Variants in CHN2 observed in about 807,000 individuals in gnomAD.
CHN2 encodes beta-chimaerin.
Under a neutral mutation model 56.3 loss-of-function variants are expected in CHN2, and 35 were observed. The ratio of observed to expected loss-of-function variants is 0.62; its 90% CI spans 0.47 to 0.82. CHN2 has a LOEUF of 0.82. CHN2 is among the 40% of genes least tolerant of loss of function. CHN2 has a pLI of 0.00. For synonymous variants in CHN2, 210 were observed against 212.8 expected, an observed-to-expected ratio of 0.99 and a Z score of 0.12; for missense variants, 491 against 580.5, an observed-to-expected ratio of 0.85 and a Z score of 1.58.
intron 1 of CHN2, among the ~76,000 whole-genome samples, chr7:29,285,531 A>G (rs772013721): frequency 6.6e-6 from 1 of 152,216 alleles, no homozygotes; most frequent in Non-Finnish European, 1.5e-5. Context: ...TTCTGTTTCC[A>G]TGAATGCAGC....
At position 29,301,469 on chromosome 7, in the gene CHN2, G is replaced by A. The variant is rs112301338; in HGVS notation, c.50-53156G>A. ...TAAAAGAGGATCCCAGATGCTCCTG[G>A]CCTTTCTGTTGTGTCCTGAACGCTG... On this transcript the variant is annotated intron_variant, in intron 1 of 12. Coordinates refer to ENST00000222792, the MANE Select transcript of CHN2 (RefSeq NM_004067.4). 1.4e-3 allele frequency among the ~76,000 whole-genome samples: 214 copies of A among 151,956 alleles called. 3 individuals are homozygous for A. Among genetic ancestry groups the A allele is most frequent in the Middle Eastern group, 0.01 (3 of 294 alleles).
rs1015805042 is a variant in CHN2, at chr7:29,403,670, GAA to G, written c.576+2854_576+2855del. ...AGATGGAGAGGCAGGGAGGAAGGCAGAAAAAAAAAAAAAGTTGTGATGGTTAG... is the reference window on the plus strand; with the variant it reads ...AGATGGAGAGGCAGGGAGGAAGGCAGAAAAAAAAAAAGTTGTGATGGTTAG... On this transcript the variant is annotated intron_variant, in intron 6 of 12. Coordinates refer to ENST00000222792, the MANE Select transcript of CHN2 (RefSeq NM_004067.4). 7.8e-5 allele frequency among the ~76,000 whole-genome samples: 11 copies of G among 141,630 alleles called. No individual in the cohort carries two copies. The South Asian group carries it at 1.6e-3, about 20-fold the overall frequency. 92.9% of individuals were successfully genotyped at this position (141,630 alleles called of 152,430 possible).
rs184013851 is a variant in CHN2 at position 29,425,551 on chromosome 7, C to T, written c.576+24723C>T. On this transcript the variant is annotated intron_variant, in intron 6 of 12. Coordinates refer to ENST00000222792, the MANE Select transcript of CHN2 (RefSeq NM_004067.4). ...AAAATTCTTCTTAGAAGCTGGTTTC[C>T]ACTTATCTTATGGATCCTAAGAATC... Among the ~76,000 whole-genome samples, 5 of 152,254 alleles carry T rather than the reference C, an allele frequency of 3.3e-5. No individual in the cohort carries two copies. The East Asian group carries it at 9.6e-4, about 29-fold the overall frequency.
intron 1 of CHN2, among the ~76,000 whole-genome samples, chr7:29,214,044 C>T (rs958263699): frequency 1.3e-5 from 2 of 152,176 alleles, no homozygotes; most frequent in African/African-American, 4.8e-5. Flanking sequence ...ATGCTTTCTC[C>T]TTCCTGATTC....
Position 29,370,280 on chromosome 7 carries a change from T to G in CHN2, c.144+2293T>G, listed in dbSNP as rs1799504794. 3.9e-5 allele frequency among the ~76,000 whole-genome samples: 6 copies of G among 152,200 alleles called. No homozygotes were observed. In the South Asian group the frequency reaches 1.2e-3, roughly 31 times the overall value. Reference sequence around the variant, plus strand: ...GTTTTCCCCTACTACAGACGGTGCTTAGTCATACGTCTTGTTGTCTTGTAA... The same window carrying G: ...GTTTTCCCCTACTACAGACGGTGCTGAGTCATACGTCTTGTTGTCTTGTAA... On this transcript the variant is annotated intron_variant, in intron 3 of 12. Coordinates refer to ENST00000222792, the MANE Select transcript of CHN2 (RefSeq NM_004067.4).
intron 1 of CHN2, among the ~76,000 whole-genome samples, chr7:29,327,469 A>G (rs1795896126): frequency 6.6e-6 from 1 of 152,196 alleles, no homozygotes; most frequent in Admixed American, 6.5e-5. Context: ...CTGTTGAGAT[A>G]AAATATTTTA....
intron 3 of CHN2, among the ~76,000 whole-genome samples, chr7:29,377,113 C>T (rs1033207192): frequency 9.2e-5 from 14 of 152,074 alleles, no homozygotes; most frequent in African/African-American, 2.4e-4. Context: ...CTGCAACTTC[C>T]GCCTCCCAGT....
At chr7:29,163,647 A>G (rs971242378) in intron 2 of CHN2, among the ~76,000 whole-genome samples, 8 of 152,216 alleles carry the variant, frequency 5.3e-5, no homozygotes, top group African/African-American at 1.4e-4. Context: ...CATGAAACCC[A>G]TCATCACAAG....
At chr7:29,152,708 T>C (rs1305154420) in intron 2 of CHN2, among the ~76,000 whole-genome samples, 1 of 152,244 alleles carries the variant, frequency 6.6e-6, no homozygotes, top group Non-Finnish European at 1.5e-5. Flanking sequence ...AATTCTGGGC[T>C]CTTTTGCTCT....
At chr7:29,233,243 G>GT (rs1490986867) in intron 1 of CHN2, among the ~76,000 whole-genome samples, 1 of 152,186 alleles carries the variant, frequency 6.6e-6, no homozygotes. Context: ...CTCCTAGGCT[G>GT]TTTTATGATT....
chr7:29,165,435 T>G (rs181626438), intron 2 of CHN2, among the ~76,000 whole-genome samples: 5 of 152,342 alleles, frequency 3.3e-5, no homozygotes, highest in East Asian at 3.9e-4. Flanking sequence ...TGTAGGTTTC[T>G]TAGATTTTTT....
chr7:29,195,627 AGAGTGTGTGT>A (rs1783621620), intron 1 of CHN2, among the ~76,000 whole-genome samples: 2 of 116,728 alleles, frequency 1.7e-5, no homozygotes, highest in Admixed American at 9.0e-5. Context: ...AGAGAGAGAG[AGAGTGTGTGT>A]GTGTGTGTGT....
intron 7 of CHN2, among the ~76,000 whole-genome samples, chr7:29,490,549 A>G (rs754220997): frequency 2.0e-5 from 3 of 152,220 alleles, no homozygotes; most frequent in Non-Finnish European, 2.9e-5. Context: ...GCATGTAAAT[A>G]TCAAACAAAC....
At chr7:29,191,086 C>T (rs951406007), upstream of CHN2, among the ~76,000 whole-genome samples, 1 of 152,086 alleles carries the variant, frequency 6.6e-6, no homozygotes, top group Admixed American at 6.5e-5. Flanking sequence ...AGGTTAACTA[C>T]AACGCCTGGC....
At chr7:29,257,707 G>C (rs140782605) in intron 1 of CHN2, among the ~76,000 whole-genome samples, 1 of 152,112 alleles carries the variant, frequency 6.6e-6, no homozygotes, top group African/African-American at 2.4e-5. Flanking sequence ...CCTGCTACTC[G>C]GCCTGGCGAT....
At position 29,151,823 on chromosome 7, in the gene CHN2, G is replaced by A. The variant is rs1433603466; in HGVS notation, c.274+4863G>A. Among the ~76,000 whole-genome samples the A allele has an allele frequency of 4.6e-5, 7 of 152,236 alleles. No individual in the cohort carries two copies. In the East Asian group the frequency reaches 7.7e-4, roughly 17 times the overall value. Reference sequence around the variant, plus strand: ...GAAGAGAACACCACCAATCCTACAAGGCTGATCTGAGGATTTGACGAAATT... The same window carrying A: ...GAAGAGAACACCACCAATCCTACAAAGCTGATCTGAGGATTTGACGAAATT... On this transcript the variant is annotated intron_variant, in intron 2 of 6. Coordinates refer to the CHN2 transcript ENST00000439384.
chr7:29,321,200 A>G (rs1348024337), intron 1 of CHN2, among the ~76,000 whole-genome samples: 1 of 152,152 alleles, frequency 6.6e-6, no homozygotes, highest in Non-Finnish European at 1.5e-5. Context: ...CTTTTCTAAT[A>G]TTGTCCCTCT....
intron 2 of CHN2, among the ~76,000 whole-genome samples, chr7:29,181,761 T>G (rs967092024): frequency 1.3e-5 from 2 of 152,164 alleles, no homozygotes; most frequent in Non-Finnish European, 2.9e-5. Flanking sequence ...AATAGACACT[T>G]TTTTATATAG....
chr7:29,239,193 C>T (rs1361478481), intron 1 of CHN2, among the ~76,000 whole-genome samples: 2 of 152,124 alleles, frequency 1.3e-5, no homozygotes, highest in Non-Finnish European at 2.9e-5. Flanking sequence ...GTGGGAGTGA[C>T]ATATGCTTGA....
Sources: gnomAD v4.1 joint callset for allele counts (sites outside exome capture counted in the v4.1 genomes callset) on GRCh38, gnomAD v4.1.1 for gene constraint, MANE v1.5 for transcripts, NCBI Gene and HGNC (gene_info 2026-07-23, HGNC 2026-07-21) for gene names.